The following TPTE variants were observed in gnomAD, a reference collection of about 807,000 sequenced individuals.
The protein encoded by TPTE is transmembrane phosphatase with tensin homology.
In TPTE, 59 loss-of-function variants were observed where a neutral mutation model predicts 84.1. That is an observed-to-expected ratio of 0.70 (90% CI 0.57 to 0.87). The LOEUF (loss-of-function observed/expected upper bound fraction) is 0.87, where lower values mean the gene tolerates loss of function less well. Ranked by LOEUF, TPTE falls within the 40% of genes least tolerant of loss-of-function variation. TPTE has a pLI of 0.00. For missense variants in TPTE, 382 were observed against 659.6 expected (o/e 0.58, Z 4.61); for synonymous variants, 130 against 223.5 (o/e 0.58, Z 3.73).
intron 3 of TPTE, among the ~76,000 whole-genome samples, chr21:10,530,875 C>T (rs2074165603): frequency 6.6e-6 from 1 of 152,310 alleles, no homozygotes; most frequent in South Asian, 2.1e-4. Context: ...TAACATATTG[C>T]ATTATGTTTT....
intron 7 of TPTE, among the ~76,000 whole-genome samples, chr21:10,549,884 AAAATC>A (rs1462898546): frequency 6.6e-6 from 1 of 152,310 alleles, no homozygotes; most frequent in African/African-American, 2.4e-5. Context: ...CAAATTGTGA[AAAATC>A]AAAAGACAAA....
At chr21:10,601,844 C>T (rs1323613957) in intron 21 of TPTE, among the ~76,000 whole-genome samples, 2 of 152,184 alleles carry the variant, frequency 1.3e-5, no homozygotes, top group East Asian at 3.8e-4. Context: ...CAGTGAGACT[C>T]TGTCTCAGAA....
intron 7 of TPTE, among the ~76,000 whole-genome samples, chr21:10,549,013 C>T (rs889659079): frequency 3.3e-5 from 5 of 152,306 alleles, no homozygotes; most frequent in Non-Finnish European, 7.3e-5. Flanking sequence ...CACACCCTTA[C>T]CCTGAGAAAC....
chr21:10,558,114 C>T lies in TPTE; in HGVS notation c.234-1380C>T, dbSNP rs562898141. Among the ~76,000 whole-genome samples, 16 of 152,410 alleles carry T rather than the reference C, an allele frequency of 1.0e-4. No homozygotes were observed. In the East Asian group the frequency reaches 2.9e-3, roughly 28 times the overall value. On this transcript the variant is annotated intron_variant, in intron 8 of 23. Transcript: ENST00000618007. ...CTTTTTTTATGGCTGTATAGTATTC[C>T]ATGGTATATATGTACCACATTTTCT...
At chr21:10,597,020 A>G (rs2075601049) in intron 20 of TPTE, among the ~76,000 whole-genome samples, 1 of 152,312 alleles carries the variant, frequency 6.6e-6, no homozygotes, top group South Asian at 2.1e-4. Flanking sequence ...TAGTTTATTA[A>G]AATATTTGTT....
intron 21 of TPTE, among the ~76,000 whole-genome samples, chr21:10,599,790 C>G (rs1171630460): frequency 6.6e-6 from 1 of 152,282 alleles, no homozygotes; most frequent in African/African-American, 2.4e-5. Context: ...TCTTGGAACA[C>G]AACTCTAATT....
At chr21:10,577,769 G>A (rs2075187794) in intron 15 of TPTE, among the ~76,000 whole-genome samples, 1 of 152,308 alleles carries the variant, frequency 6.6e-6, no homozygotes, top group Admixed American at 6.5e-5. Flanking sequence ...ACCATTTTAG[G>A]GAAGATCTGT....
At chr21:10,573,638 C>T (rs1365203232) in intron 14 of TPTE, among the ~76,000 whole-genome samples, 1 of 152,310 alleles carries the variant, frequency 6.6e-6, no homozygotes, top group African/African-American at 2.4e-5. Context: ...CTGATTTGAT[C>T]ATTACACATT....
chr21:10,572,022 A>T (rs1185751862), intron 14 of TPTE, among the ~76,000 whole-genome samples: 2 of 152,178 alleles, frequency 1.3e-5, no homozygotes, highest in Non-Finnish European at 2.9e-5. Context: ...AAAAAAAAAT[A>T]CAATCAAGAG....
Position 10,528,651 on chromosome 21 carries a change from G to A in TPTE, c.-44+1239G>A, listed in dbSNP as rs528175995. The stretch of plus-strand genomic sequence containing the variant: ...TACTTTTATAACTGATGCTGTTTGT[G>A]TTATACTCAGAAAGTTACTTCTTAT... On this transcript the variant is annotated intron_variant, in intron 3 of 23. Coordinates refer to ENST00000618007, the MANE Select transcript of TPTE (RefSeq NM_199261.4). 2.6e-5 allele frequency among the ~76,000 whole-genome samples: 4 copies of A among 152,426 alleles called. No homozygotes were observed. In the East Asian group the frequency reaches 5.8e-4, roughly 22 times the overall value.
chr21:10,527,043 T>C (rs1303977028), intron 2 of TPTE, among the ~76,000 whole-genome samples: 10 of 152,304 alleles, frequency 6.6e-5, no homozygotes, highest in Admixed American at 2.0e-4. Flanking sequence ...ACTTATCTAC[T>C]TGTTTATTTC....
At chr21:10,573,974 G>A (rs1468302845) in intron 14 of TPTE, among the ~76,000 whole-genome samples, 1 of 152,412 alleles carries the variant, frequency 6.6e-6, no homozygotes. Flanking sequence ...GATTCAAGGA[G>A]TAGAAAATAA....
chr21:10,541,097 A>C lies in TPTE; in HGVS notation c.12-15A>C. On this transcript the variant is annotated splice_polypyrimidine_tract_variant and intron_variant, in intron 4 of 23. Coordinates refer to ENST00000618007, the MANE Select transcript of TPTE (RefSeq NM_199261.4). Reference sequence around the variant, plus strand: ...TTACGCATTGGGTCTGACTCTGACCATATTTGTCCTTTAGTCCTGATCCGA... The same window carrying C: ...TTACGCATTGGGTCTGACTCTGACCCTATTTGTCCTTTAGTCCTGATCCGA... 1 of 1,612,936 alleles carries C rather than the reference A, an allele frequency of 6.2e-7. No homozygotes were observed. The highest frequency in any genetic ancestry group is 1.1e-5 in the South Asian group (1 of 91,074).
intron 4 of TPTE, among the ~76,000 whole-genome samples, chr21:10,539,524 C>T (rs550714142): frequency 3.7e-4 from 56 of 152,384 alleles, no homozygotes; most frequent in African/African-American, 1.3e-3. Flanking sequence ...AGAAATTCAC[C>T]CACAAAAGGC....
intron 8 of TPTE, among the ~76,000 whole-genome samples, chr21:10,555,885 AAAGAT>A (rs2074672944): frequency 6.6e-6 from 1 of 152,312 alleles, no homozygotes. Flanking sequence ...CGTACCTGTG[AAAGAT>A]AAGAAATGCA....
At position 10,603,494 on chromosome 21, in the gene TPTE, A is replaced by G. The variant is rs548643736; in HGVS notation, c.1450-68A>G. ...AATATAAAAAAGAATAAAGAAAGGAACTTCAATTTCTTTGGAATGATTAGT... is the reference window on the plus strand; with the variant it reads ...AATATAAAAAAGAATAAAGAAAGGAGCTTCAATTTCTTTGGAATGATTAGT... On this transcript the variant is annotated intron_variant, in intron 22 of 23. Coordinates refer to ENST00000618007, the MANE Select transcript of TPTE (RefSeq NM_199261.4). 197 of 1,446,576 alleles carry G rather than the reference A, an allele frequency of 1.4e-4. No individual in the cohort carries two copies. The African/African-American group carries it at 2.5e-3, about 19-fold the overall frequency. 89.6% of individuals were successfully genotyped at this position (1,446,576 alleles called of 1,614,324 possible). A position where few individuals can be genotyped will look rare whatever the true frequency, so the allele number is the denominator to read the frequency against.
chr21:10,547,032 AGAG>A (rs2074480872), intron 7 of TPTE, among the ~76,000 whole-genome samples: 1 of 152,300 alleles, frequency 6.6e-6, no homozygotes, highest in Non-Finnish European at 1.5e-5. Context: ...TTATATTTAG[AGAG>A]GAGAAGTCAA....
chr21:10,544,825 C>T, intron 7 of TPTE, among the ~76,000 whole-genome samples: 1 of 152,308 alleles, frequency 6.6e-6, no homozygotes, highest in Non-Finnish European at 1.5e-5. Flanking sequence ...TGTTTACAAA[C>T]TGAAGTTGAT....
intron 6 of TPTE, 57 bp downstream of exon 6, chr21:10,542,505 C>T: frequency 5.0e-6 from 8 of 1,593,752 alleles, no homozygotes; most frequent in Non-Finnish European, 6.0e-6. Context: ...GAACTATACA[C>T]ACACAGGCAC....
Sources: gnomAD v4.1 joint callset for allele counts (sites outside exome capture counted in the v4.1 genomes callset) on GRCh38, gnomAD v4.1.1 for gene constraint, MANE v1.5 for transcripts, NCBI Gene and HGNC (gene_info 2026-07-23, HGNC 2026-07-21) for gene names.